The following CDH3 variants were observed in gnomAD, a reference collection of about 807,000 sequenced individuals.
The protein encoded by CDH3 is cadherin-3.
CDH3 carries 54 observed loss-of-function variants against 82.0 expected under a neutral mutation model. The observed-to-expected ratio is 0.66, with a 90% CI of 0.53 to 0.83. The LOEUF is 0.83. Ranked by LOEUF, CDH3 falls within the 40% of genes least tolerant of loss-of-function variation. CDH3 has a pLI of 0.00. For missense variants in CDH3, 1,054 were observed against 1,084.6 expected (o/e 0.97, Z 0.40); for synonymous variants, 446 against 437.9 (o/e 1.02, Z -0.23).
In CDH3 at chr16:68,699,543, G is replaced by A. The variant is rs930146326; in HGVS notation, c.*1143G>A. On this transcript the variant is annotated 3_prime_UTR_variant, in exon 16 of 16. Coordinates refer to ENST00000264012, the MANE Select transcript of CDH3 (RefSeq NM_001793.6). ...CTGTCGCCCAGGCTGGAGTGCAGTG[G>A]TGTGATCTTGGCTCACTGCAAGCTC... 6 of 151,622 alleles carry A rather than the reference G, an allele frequency of 4.0e-5. No individual in the cohort carries two copies. The highest frequency in any genetic ancestry group is 1.5e-4 in the African/African-American group (6 of 41,172). 9.4% of individuals were successfully genotyped at this position (151,622 alleles called of 1,614,324 possible).
Position 68,707,055 on chromosome 16 carries a change from C to T in CDH3, c.99+11132C>T, listed in dbSNP as rs1212787792. Among the ~76,000 whole-genome samples, 1 of 152,110 alleles carries T rather than the reference C, an allele frequency of 6.6e-6. No homozygotes were observed. The highest frequency in any genetic ancestry group is 1.5e-5 in the Non-Finnish European group (1 of 68,024). On this transcript the variant is annotated intron_variant, in intron 1 of 2. Transcript: ENST00000569080. The surrounding 1 kb of genome is among the most constrained non-coding windows in gnomAD (Gnocchi z 4.5). Reference sequence around the variant, plus strand: ...GGAGGAAGGGCCTGGGGGTAGGGCTCAGTTCTAGGAGCCAGGGAAGGCACT... The same window carrying T: ...GGAGGAAGGGCCTGGGGGTAGGGCTTAGTTCTAGGAGCCAGGGAAGGCACT...
At chr16:68,725,061 CACAGT>C (rs1962204870) in intron 2 of CDH3, among the ~76,000 whole-genome samples, 1 of 152,076 alleles carries the variant, frequency 6.6e-6, no homozygotes, top group East Asian at 1.9e-4. Flanking sequence ...CCTGGGCCTC[CACAGT>C]TATGAACTGC....
intron 2 of CDH3, chr16:68,646,030 C>A: frequency 2.1e-6 from 1 of 473,198 alleles, no homozygotes; most frequent in Non-Finnish European, 3.8e-6. Context: ...CACCCAGTCT[C>A]GACGTGGGAA....
chr16:68,658,062 C>CT (rs113679101), intron 2 of CDH3, among the ~76,000 whole-genome samples: 3,098 of 126,118 alleles, frequency 0.025, 44 homozygotes, highest in South Asian at 0.052. Context: ...CTTTTTCTTT[C>CT]TTTTTTTTTT....
intron 1 of CDH3, among the ~76,000 whole-genome samples, chr16:68,710,689 C>CA (rs1204324428): frequency 6.6e-6 from 1 of 151,352 alleles, no homozygotes; most frequent in African/African-American, 2.4e-5. Flanking sequence ...ACTAAAAATA[C>CA]AAAAATTAGC....
intron 2 of CDH3, chr16:68,651,893 C>A (rs1464911195): frequency 1.4e-5 from 6 of 441,406 alleles, no homozygotes; most frequent in African/African-American, 1.2e-4. Flanking sequence ...TGGACAGGAG[C>A]CGGTTCTTGA....
rs1025096353 is a variant in CDH3 at position 68,679,969 on chromosome 16, C to T, written c.862C>T (p.Arg288Trp). The T allele has an allele frequency of 1.1e-5, 17 of 1,613,904 alleles. No homozygotes were observed. The highest frequency in any genetic ancestry group is 1.2e-5 in the Non-Finnish European group (14 of 1,179,908). ...TISVISSGLDREKVPEYTLTI... is the reference protein window; with the variant it reads ...TISVISSGLDWEKVPEYTLTI... Reference sequence around the variant, plus strand: ...CAGCGTCATCTCCAGTGGCCTGGACCGGGAAGTGAGTGGCCCTTAGGGAAA... The same window carrying T: ...CAGCGTCATCTCCAGTGGCCTGGACTGGGAAGTGAGTGGCCCTTAGGGAAA... Residue 288 changes from arginine (R) to tryptophan (W), a missense_variant, in exon 7 of 16, where the codon CGG (arginine) becomes TGG (tryptophan). Transcript: ENST00000264012.
intron 2 of CDH3, chr16:68,651,054 A>G (rs1960228409): frequency 2.3e-6 from 1 of 429,924 alleles, no homozygotes; most frequent in Non-Finnish European, 4.1e-6. Context: ...CCTGGTAGTA[A>G]GGGGGATATT....
chr16:68,716,442 G>A (rs1396208398), intron 1 of CDH3, among the ~76,000 whole-genome samples: 1 of 151,226 alleles, frequency 6.6e-6, no homozygotes, highest in Admixed American at 6.6e-5. Context: ...GCAACATATC[G>A]AGACCCTCAT....
intron 2 of CDH3, chr16:68,651,751 G>A (rs749071557): frequency 5.6e-5 from 28 of 503,316 alleles, no homozygotes; most frequent in Admixed American, 1.1e-4. Context: ...ACTGAGCCTG[G>A]CTGCAGCTCG....
chr16:68,680,137 G>T (rs1961175651), intron 7 of CDH3, among the ~76,000 whole-genome samples, 163 bp downstream of exon 7: 1 of 152,246 alleles, frequency 6.6e-6, no homozygotes, highest in Non-Finnish European at 1.5e-5. Context: ...CCATGCCCCT[G>T]GTTCCTTGGG....
At chr16:68,704,081 T>TC (rs1197236607), downstream of CDH3, among the ~76,000 whole-genome samples, 1 of 151,814 alleles carries the variant, frequency 6.6e-6, no homozygotes, top group African/African-American at 2.4e-5. Flanking sequence ...GGTCAGGAGA[T>TC]CGAGACCATC....
downstream of CDH3, among the ~76,000 whole-genome samples, chr16:68,705,163 C>CT (rs1377863128): frequency 1.3e-5 from 2 of 152,126 alleles, no homozygotes; most frequent in Non-Finnish European, 2.9e-5. Context: ...CAGGTGGGCT[C>CT]TTTTTACAAT....
chr16:68,715,415 C>T (rs1004607854), intron 1 of CDH3, among the ~76,000 whole-genome samples: 6 of 91,350 alleles, frequency 6.6e-5, no homozygotes, highest in African/African-American at 1.1e-4. Flanking sequence ...CGACAGAGCA[C>T]GACTCTCAAA....
downstream of CDH3, among the ~76,000 whole-genome samples, chr16:68,701,299 C>T (rs888540423): frequency 1.3e-5 from 2 of 151,894 alleles, no homozygotes; most frequent in African/African-American, 4.8e-5. Flanking sequence ...AATATTAAGT[C>T]ACTCTCTCAC....
chr16:68,667,306 C>T (rs1484693659), intron 2 of CDH3, among the ~76,000 whole-genome samples: 1 of 152,156 alleles, frequency 6.6e-6, no homozygotes, highest in African/African-American at 2.4e-5. Context: ...CTAAAGCAAG[C>T]TAGAATAGAA....
At chr16:68,719,058 C>G (rs1052916109) in intron 1 of CDH3, among the ~76,000 whole-genome samples, 12 of 151,946 alleles carry the variant, frequency 7.9e-5, no homozygotes, top group Non-Finnish European at 1.6e-4. Context: ...GCCTAGCCAA[C>G]ATGGTGAAAC....
chr16:68,723,865 C>G (rs1328593452), intron 2 of CDH3, among the ~76,000 whole-genome samples: 5 of 152,194 alleles, frequency 3.3e-5, no homozygotes, highest in Admixed American at 2.6e-4. Flanking sequence ...GTCAGGAGAT[C>G]GAGACCATCC....
intron 2 of CDH3, among the ~76,000 whole-genome samples, chr16:68,654,910 C>A (rs1227223996): frequency 6.6e-6 from 1 of 151,766 alleles, no homozygotes; most frequent in Non-Finnish European, 1.5e-5. Context: ...GTGGTGTGCG[C>A]CTGTAATCCT....
Sources: allele counts gnomAD v4.1 joint callset (sites outside exome capture counted in the v4.1 genomes callset), GRCh38; gene constraint gnomAD v4.1.1; non-coding constraint Gnocchi (gnomAD v3.1); transcripts MANE v1.5; gene names NCBI Gene and HGNC (gene_info 2026-07-23, HGNC 2026-07-21).